Variants in NAA11 observed in about 807,000 individuals in gnomAD.
The protein encoded by NAA11 is N-alpha-acetyltransferase 11.
NAA11 carries 15 observed loss-of-function variants against 16.1 expected under a neutral mutation model. That is an observed-to-expected ratio of 0.93 (90% CI 0.62 to 1.44). NAA11 has a LOEUF of 1.44. Among genes scored for constraint, NAA11 ranks in the 40% most tolerant of loss-of-function variants. The pLI is 0.00. For missense variants in NAA11, 298 were observed against 291.3 expected (o/e 1.02, Z -0.17); for synonymous variants, 122 against 112.4 (o/e 1.09, Z -0.54).
At chr4:79,183,091 T>C in the NAA11 span, among the ~76,000 whole-genome samples, 1 of 152,142 alleles carries the variant, frequency 6.6e-6, no homozygotes. Flanking sequence ...GAATTTACAG[T>C]CTATTAAAGC....
downstream of NAA11, among the ~76,000 whole-genome samples, chr4:79,314,340 G>A (rs977991097): frequency 2.4e-4 from 37 of 151,934 alleles, no homozygotes; most frequent in African/African-American, 8.9e-4. Flanking sequence ...GTATTAACAT[G>A]GAAAAAAGCT....
chr4:79,232,269 G>GT (rs904474345), intron 2 of NAA11, among the ~76,000 whole-genome samples: 1 of 151,520 alleles, frequency 6.6e-6, no homozygotes, highest in Non-Finnish European at 1.5e-5. Flanking sequence ...CATAATAAAA[G>GT]TTTTTTTTAA....
intron 2 of NAA11, among the ~76,000 whole-genome samples, chr4:79,271,238 G>C (rs1722485031): frequency 1.7e-5 from 2 of 117,946 alleles, no homozygotes; most frequent in African/African-American, 6.7e-5. Context: ...ACCAACAACA[G>C]ACAAACAGAG....
At chr4:79,314,641 TAAAAAA>T (rs375245497), downstream of NAA11, among the ~76,000 whole-genome samples, 7,030 of 98,116 alleles carry the variant, frequency 0.072, 739 homozygotes, top group African/African-American at 0.27. Context: ...TCCTTAAAAT[TAAAAAA>T]AAAAAAAAAA....
At chr4:79,204,366 A>G in the NAA11 span, among the ~76,000 whole-genome samples, 2 of 151,932 alleles carry the variant, frequency 1.3e-5, no homozygotes, top group Non-Finnish European at 2.9e-5. Flanking sequence ...AGATATACAC[A>G]ATATAATGGT....
intron 1 of NAA11, chr4:79,308,306 TG>T (rs1723652348): frequency 6.6e-6 from 1 of 152,176 alleles, no homozygotes; most frequent in South Asian, 2.1e-4. Context: ...GATGCAAAGA[TG>T]GAAGACAGAT....
the NAA11 span, among the ~76,000 whole-genome samples, chr4:79,203,056 T>C: frequency 6.6e-6 from 1 of 151,618 alleles, no homozygotes; most frequent in African/African-American, 2.4e-5. Context: ...TGTGCTTAAT[T>C]TTTTTCCGGA....
intron 2 of NAA11, among the ~76,000 whole-genome samples, chr4:79,239,655 G>A (rs1721647061): frequency 6.6e-6 from 1 of 151,982 alleles, no homozygotes; most frequent in African/African-American, 2.4e-5. Flanking sequence ...AGCCAAGATA[G>A]TGCCACTACA....
the NAA11 span, among the ~76,000 whole-genome samples, chr4:79,161,320 G>T: frequency 3.9e-5 from 6 of 152,110 alleles, no homozygotes; most frequent in African/African-American, 1.2e-4. Context: ...CTTGTCAAAA[G>T]TCTATTGATC....
chr4:79,185,528 C>T, the NAA11 span, among the ~76,000 whole-genome samples: 1 of 152,136 alleles, frequency 6.6e-6, no homozygotes, highest in Non-Finnish European at 1.5e-5. Flanking sequence ...CCTAGATGAT[C>T]CTATAACTCT....
chr4:79,156,773 T>C, the NAA11 span, among the ~76,000 whole-genome samples: 1 of 152,342 alleles, frequency 6.6e-6, no homozygotes, highest in African/African-American at 2.4e-5. Flanking sequence ...GAAAGTTAAA[T>C]AACTTGCCTG....
intron 2 of NAA11, among the ~76,000 whole-genome samples, chr4:79,287,422 C>T (rs967376990): frequency 1.3e-5 from 2 of 152,014 alleles, no homozygotes; most frequent in Admixed American, 6.6e-5. Context: ...CCAATCATTT[C>T]TCACTAGGCT....
the NAA11 span, among the ~76,000 whole-genome samples, chr4:79,217,426 G>T: frequency 1.5e-4 from 23 of 152,152 alleles, no homozygotes; most frequent in African/African-American, 5.5e-4. Context: ...AAAGCTTGGG[G>T]TTAAAACTTC....
the NAA11 span, among the ~76,000 whole-genome samples, chr4:79,214,641 T>C: frequency 6.6e-6 from 1 of 151,810 alleles, no homozygotes; most frequent in African/African-American, 2.4e-5. Flanking sequence ...ATACTAAAAA[T>C]ACAAAAAATT....
chr4:79,243,318 G>T (rs532778390), intron 2 of NAA11, among the ~76,000 whole-genome samples: 6 of 152,294 alleles, frequency 3.9e-5, no homozygotes, highest in South Asian at 2.1e-4. Flanking sequence ...GAGGAAGGGT[G>T]CTCCCTTTCC....
At chr4:79,186,927 C>A in the NAA11 span, among the ~76,000 whole-genome samples, 2 of 152,072 alleles carry the variant, frequency 1.3e-5, no homozygotes, top group Admixed American at 1.3e-4. Flanking sequence ...GAGTAACTCA[C>A]AGGGATAGGA....
chr4:79,166,932 A>G, the NAA11 span, among the ~76,000 whole-genome samples: 17 of 146,230 alleles, frequency 1.2e-4, no homozygotes, highest in African/African-American at 4.3e-4. Context: ...GATCTTTATC[A>G]TCTGTCTCTG....
chr4:79,292,688 T>G (rs989771811), intron 2 of NAA11, among the ~76,000 whole-genome samples: 5 of 152,222 alleles, frequency 3.3e-5, no homozygotes, highest in Admixed American at 3.3e-4. Flanking sequence ...AAAGCAAGAT[T>G]TGACAAAATC....
At chr4:79,201,581 G>C in the NAA11 span, among the ~76,000 whole-genome samples, 2 of 151,440 alleles carry the variant, frequency 1.3e-5, no homozygotes, top group Non-Finnish European at 3.0e-5. Context: ...CCCTTTGCCT[G>C]TCATATGTAT....
Sources: allele counts gnomAD v4.1 joint callset (sites outside exome capture counted in the v4.1 genomes callset), GRCh38; gene constraint gnomAD v4.1.1; transcripts MANE v1.5; gene names NCBI Gene and HGNC (gene_info 2026-07-23, HGNC 2026-07-21).